FLACC1: variants seen among roughly 807,000 people sequenced by gnomAD.
The protein encoded by FLACC1 is flagellum-associated coiled-coil domain-containing protein 1.
Under a neutral mutation model 62.8 loss-of-function variants are expected in FLACC1, and 66 were observed. That is an observed-to-expected ratio of 1.05 (90% CI 0.86 to 1.29). FLACC1 has a LOEUF of 1.29. Among genes scored for constraint, FLACC1 ranks in the 50% most tolerant of loss-of-function variants. The pLI is 0.00. For missense variants in FLACC1, 452 were observed against 489.1 expected (o/e 0.92, Z 0.71); for synonymous variants, 156 against 161.0 (o/e 0.97, Z 0.24).
intron 3 of FLACC1, 131 bp downstream of exon 3, chr2:201,350,580 C>A: frequency 1.3e-6 from 1 of 741,176 alleles, no homozygotes; most frequent in Admixed American, 2.6e-5. Flanking sequence ...ACTCGAGAGG[C>A]TGAGGCAGGA....
chr2:201,305,017 G>T (rs1950073241), intron 11 of FLACC1, among the ~76,000 whole-genome samples: 1 of 152,170 alleles, frequency 6.6e-6, no homozygotes, highest in South Asian at 2.1e-4. Flanking sequence ...CAGGACATAG[G>T]CATGGGCAAG....
chr2:201,345,484 G>A (rs1312258911), intron 5 of FLACC1, among the ~76,000 whole-genome samples: 4 of 145,118 alleles, frequency 2.8e-5, no homozygotes, highest in Admixed American at 1.3e-4. Context: ...GTGTGTGTGT[G>A]TATGTGTGTG....
intron 9 of FLACC1, among the ~76,000 whole-genome samples, chr2:201,318,004 C>A (rs866272621): frequency 2.6e-4 from 39 of 152,260 alleles, no homozygotes; most frequent in Middle Eastern, 3.4e-3. Flanking sequence ...GAAAGCACAT[C>A]TTATTCAACA....
intron 1 of FLACC1, among the ~76,000 whole-genome samples, chr2:201,356,640 T>A (rs192348416): frequency 3.2e-4 from 49 of 152,380 alleles, no homozygotes; most frequent in African/African-American, 1.1e-3. Flanking sequence ...ATAGATTTTT[T>A]AAATTATTTG....
At chr2:201,293,624 G>A (rs964084543) in intron 12 of FLACC1, among the ~76,000 whole-genome samples, 2 of 152,036 alleles carry the variant, frequency 1.3e-5, no homozygotes, top group African/African-American at 4.8e-5. Flanking sequence ...AGAGAAGCAA[G>A]AGCAAACACA....
At chr2:201,352,338 C>T (rs72934991) in intron 1 of FLACC1, among the ~76,000 whole-genome samples, 1 of 152,024 alleles carries the variant, frequency 6.6e-6, no homozygotes, top group African/African-American at 2.4e-5. Context: ...CCCTGGCTCC[C>T]AAAAAACAAA....
chr2:201,293,105 C>T (rs1949775929), intron 12 of FLACC1, among the ~76,000 whole-genome samples: 1 of 152,150 alleles, frequency 6.6e-6, no homozygotes, highest in South Asian at 2.1e-4. Flanking sequence ...CAACATTAGA[C>T]AGCTCCACGA....
intron 9 of FLACC1, among the ~76,000 whole-genome samples, chr2:201,324,255 A>C (rs1950462318): frequency 6.6e-6 from 1 of 152,240 alleles, no homozygotes; most frequent in South Asian, 2.1e-4. Flanking sequence ...CAGTAAGACA[A>C]GACAAAGATG....
At chr2:201,330,342 A>T in intron 9 of FLACC1, 128 bp downstream of exon 9, 1 of 890,928 alleles carries the variant, frequency 1.1e-6, no homozygotes, top group Non-Finnish European at 1.7e-6. Flanking sequence ...AGCTAGTGCC[A>T]CTTAGGTCTA....
intron 4 of FLACC1, 62 bp downstream of exon 4, chr2:201,348,192 G>A: frequency 3.9e-6 from 6 of 1,520,700 alleles, no homozygotes; most frequent in Non-Finnish European, 5.4e-6. Context: ...AAGGGCCCAT[G>A]CTTGCACATA....
At chr2:201,318,684 TAGAG>T (rs1950346735) in intron 9 of FLACC1, among the ~76,000 whole-genome samples, 1 of 152,198 alleles carries the variant, frequency 6.6e-6, no homozygotes, top group Admixed American at 6.5e-5. Flanking sequence ...GAAAACAGCA[TAGAG>T]ATTCTTTAAA....
chr2:201,323,306 T>G (rs1229793721), intron 9 of FLACC1, among the ~76,000 whole-genome samples: 1 of 152,024 alleles, frequency 6.6e-6, no homozygotes, highest in African/African-American at 2.4e-5. Flanking sequence ...CTATCTAAAC[T>G]CAACATGAAG....
intron 11 of FLACC1, among the ~76,000 whole-genome samples, chr2:201,300,185 C>A (rs185364036): frequency 4.4e-4 from 67 of 152,292 alleles, no homozygotes; most frequent in African/African-American, 1.5e-3. Context: ...CAAGGGAAGC[C>A]GTGACAGACG....
At chr2:201,313,374 G>A (rs932672940) in intron 9 of FLACC1, among the ~76,000 whole-genome samples, 2 of 152,104 alleles carry the variant, frequency 1.3e-5, no homozygotes, top group Admixed American at 6.6e-5. Context: ...TGGGTTGGGG[G>A]CATGGTGGGA....
chr2:201,295,911 A>G (rs1296478344), intron 12 of FLACC1, among the ~76,000 whole-genome samples: 3 of 152,374 alleles, frequency 2.0e-5, no homozygotes, highest in East Asian at 1.9e-4. Context: ...CACATGAAAA[A>G]ATGTTCATCA....
At chr2:201,331,415 C>T (rs1466508168) in intron 7 of FLACC1, among the ~76,000 whole-genome samples, 2 of 152,138 alleles carry the variant, frequency 1.3e-5, no homozygotes, top group East Asian at 3.9e-4. Flanking sequence ...CTATAGCTTG[C>T]TCGGGAAACT....
the FLACC1 span, among the ~76,000 whole-genome samples, chr2:201,363,082 C>T: frequency 2.0e-5 from 3 of 152,138 alleles, no homozygotes; most frequent in Admixed American, 1.3e-4. Context: ...GAGCCCTCTG[C>T]TCCACCCTCA....
At chr2:201,291,897 G>T (rs906379037) in intron 12 of FLACC1, among the ~76,000 whole-genome samples, 3 of 152,150 alleles carry the variant, frequency 2.0e-5, no homozygotes, top group Non-Finnish European at 2.9e-5. Flanking sequence ...CTCAGTAGCC[G>T]ATTCGATCAA....
chr2:201,323,784 C>CAAAAAAAAAAAAAAAAAAAAAAAAAAA (rs71022362), intron 9 of FLACC1, among the ~76,000 whole-genome samples: 6 of 52,748 alleles, frequency 1.1e-4, no homozygotes, highest in Non-Finnish European at 1.3e-4. Flanking sequence ...CAGACTCTAT[C>CAAAAAAAAAAAAAAAAAAAAAAAAAAA]AAAAAAAAAA....
Sources: gnomAD v4.1 joint callset for allele counts (sites outside exome capture counted in the v4.1 genomes callset) on GRCh38, gnomAD v4.1.1 for gene constraint, MANE v1.5 for transcripts, NCBI Gene and HGNC (gene_info 2026-07-23, HGNC 2026-07-21) for gene names.